MIPEP: variants seen among roughly 807,000 people sequenced by gnomAD.
The protein encoded by MIPEP is mitochondrial intermediate peptidase.
Under a neutral mutation model 90.3 loss-of-function variants are expected in MIPEP, and 79 were observed. That is an observed-to-expected ratio of 0.87 (90% CI 0.73 to 1.05). MIPEP has a LOEUF of 1.05. Among genes scored for constraint, MIPEP ranks in the 50% least tolerant of loss-of-function variants. The probability of loss-of-function intolerance (pLI) is 0.00; values close to 1 mark genes in which losing one functional copy is unlikely to be tolerated. For synonymous variants in MIPEP, 334 were observed against 315.8 expected (o/e 1.06, Z -0.61); for missense variants, 940 against 905.6 (o/e 1.04, Z -0.49).
rs1952774618 is a variant in MIPEP at position 23,780,879 on chromosome 13, T to C, written c.1849-20662A>G. Among the ~76,000 whole-genome samples, 3 of 151,794 alleles carry C rather than the reference T, an allele frequency of 2.0e-5. No homozygotes were observed. The South Asian group carries it at 6.3e-4, about 32-fold the overall frequency. On this transcript the variant is annotated intron_variant, in intron 16 of 18. Coordinates refer to ENST00000382172, the MANE Select transcript of MIPEP (RefSeq NM_005932.4). ...GTGATTAAAGATCAAATGAATGAAA[T>C]GAAGCGAGAAGAGAAGTTTAGAAAA... is the stretch of plus-strand genomic sequence containing the variant.
intron 8 of MIPEP, among the ~76,000 whole-genome samples, chr13:23,863,804 A>T (rs1870412474): frequency 6.6e-6 from 1 of 152,248 alleles, no homozygotes; most frequent in African/African-American, 2.4e-5. Context: ...AGGCCAAAAG[A>T]AGAGAAATAC....
chr13:23,859,563 GCCTGGGCTCAAGTTTCCAATCCATA>G (rs932491295), intron 9 of MIPEP, among the ~76,000 whole-genome samples: 7 of 152,306 alleles, frequency 4.6e-5, no homozygotes, highest in African/African-American at 1.7e-4. Context: ...AAGACAGACT[GCCTGGGCTCAAGTTTCCAATCCATA>G]CCAGACTATA....
chr13:23,768,867 T>C (rs1228057807), intron 16 of MIPEP, among the ~76,000 whole-genome samples: 4 of 152,178 alleles, frequency 2.6e-5, no homozygotes, highest in African/African-American at 9.7e-5. Flanking sequence ...ATATGTAATA[T>C]TAAAAAACCC....
chr13:23,782,720 A>C (rs1952793869), intron 16 of MIPEP, among the ~76,000 whole-genome samples: 1 of 152,230 alleles, frequency 6.6e-6, no homozygotes, highest in South Asian at 2.1e-4. Flanking sequence ...AAGACTAATA[A>C]AGAAGAAAAG....
rs569565094 is a variant in MIPEP, at chr13:23,802,687, T to TA, written c.1848+3262dup. Among the ~76,000 whole-genome samples, 408 of 148,238 alleles carry TA rather than the reference T, an allele frequency of 2.8e-3. 5 individuals are homozygous for TA. The highest frequency in any genetic ancestry group is 0.01 in the African/African-American group (385 of 38,094). ...CATTGTATCTAGAAGATCCCCAACT[T>TA]AAAGATTTTTTAACTTTAAGATTTT... On this transcript the variant is annotated intron_variant, in intron 16 of 18. Transcript: ENST00000382172.
chr13:23,888,761 G>C lies in MIPEP; in HGVS notation c.189+371C>G. On this transcript the variant is annotated intron_variant, in intron 1 of 18. Transcript: ENST00000382172. ...AACGCACAGGGATAGGCCTCTTAAG[G>C]CAGGACTGTAGCGCTGGAGCTAAAG... 3.9e-6 allele frequency: 4 copies of C among 1,037,964 alleles called. No homozygotes were observed. The South Asian group carries it at 1.8e-4, about 48-fold the overall frequency. 64.3% of individuals were successfully genotyped at this position (1,037,964 alleles called of 1,614,324 possible).
intron 5 of MIPEP, among the ~76,000 whole-genome samples, chr13:23,872,033 T>A (rs1833733056): frequency 6.6e-6 from 1 of 152,252 alleles, no homozygotes; most frequent in Non-Finnish European, 1.5e-5. Context: ...TATCACTTCA[T>A]CATTCTGTGG....
At chr13:23,784,280 C>T (rs1252577683) in intron 16 of MIPEP, among the ~76,000 whole-genome samples, 2 of 152,144 alleles carry the variant, frequency 1.3e-5, no homozygotes, top group African/African-American at 4.8e-5. Flanking sequence ...GTACTGGTAC[C>T]AAAACAGAGA....
intron 18 of MIPEP, among the ~76,000 whole-genome samples, chr13:23,743,872 A>G (rs1033117391): frequency 6.6e-6 from 1 of 152,150 alleles, no homozygotes; most frequent in African/African-American, 2.4e-5. Context: ...GCTCCTTTCC[A>G]TTTCTTTCTT....
Position 23,831,891 on chromosome 13 carries a change from G to A in MIPEP, c.1653+4349C>T, listed in dbSNP as rs114145363. On this transcript the variant is annotated intron_variant, in intron 14 of 18. Transcript: ENST00000382172. ...GGTGAAGGTGCTTAGCATTTTCAAT[G>A]CTGGGTATAGGGGTTTAGACTGTCT... 7.2e-3 allele frequency among the ~76,000 whole-genome samples: 1,089 copies of A among 152,286 alleles called. 10 individuals are homozygous for A. Among genetic ancestry groups the A allele is most frequent in the African/African-American group, 0.025 (1,057 of 41,544 alleles).
chr13:23,776,625 G>T (rs984635966), intron 16 of MIPEP, among the ~76,000 whole-genome samples: 1 of 152,158 alleles, frequency 6.6e-6, no homozygotes, highest in African/African-American at 2.4e-5. Context: ...TTAAATAAAA[G>T]TTGTGGTTTT....
chr13:23,736,383 GTAGT>G (rs1259996060), intron 18 of MIPEP, among the ~76,000 whole-genome samples: 2 of 152,136 alleles, frequency 1.3e-5, no homozygotes, highest in Non-Finnish European at 2.9e-5. Flanking sequence ...TATATAAAGA[GTAGT>G]TAAAGAGTGA....
At chr13:23,790,707 G>A (rs79575188) in intron 16 of MIPEP, among the ~76,000 whole-genome samples, 26 of 152,316 alleles carry the variant, frequency 1.7e-4, no homozygotes, top group Middle Eastern at 3.4e-3. Context: ...GGGGCCTCTG[G>A]AAGAAGTCAG....
intron 16 of MIPEP, among the ~76,000 whole-genome samples, chr13:23,778,458 A>ATGTGC (rs565243848): frequency 8.5e-4 from 129 of 152,322 alleles, no homozygotes; most frequent in African/African-American, 3.0e-3. Context: ...ATGCTCAAGC[A>ATGTGC]ACTAGCTGTG....
chr13:23,886,023 T>A (rs1871464958), intron 2 of MIPEP, among the ~76,000 whole-genome samples: 1 of 151,726 alleles, frequency 6.6e-6, no homozygotes, highest in African/African-American at 2.4e-5. Context: ...CAAATGAATA[T>A]ATATGTAAAT....
intron 16 of MIPEP, among the ~76,000 whole-genome samples, chr13:23,789,417 C>A (rs1353108348): frequency 6.6e-6 from 1 of 152,130 alleles, no homozygotes; most frequent in African/African-American, 2.4e-5. Context: ...CTGGAATTTA[C>A]TTCATGACAG....
intron 17 of MIPEP, 97 bp from the exon 18 acceptor site, chr13:23,756,715 A>G: frequency 8.5e-7 from 1 of 1,178,056 alleles, no homozygotes; most frequent in Non-Finnish European, 1.2e-6. Context: ...TGCCATATTC[A>G]TAAAAGCTGC....
Position 23,889,104 on chromosome 13 carries a change from T to C in MIPEP, c.189+28A>G, listed in dbSNP as rs1030815768. 15 of 1,388,490 alleles carry C rather than the reference T, an allele frequency of 1.1e-5. 1 individual carries two copies. Among genetic ancestry groups the C allele is most frequent in the Non-Finnish European group, 1.3e-5 (14 of 1,071,954 alleles). The allele number at this position is 1,388,490 out of a possible 1,614,324, so 86.0% of individuals were successfully genotyped here. On this transcript the variant is annotated intron_variant, in intron 1 of 18. Transcript: ENST00000382172. ...GCAGGGGTCGGCTTAGCTCGGGGAC[T>C]GAGGGGAGCTCCTCCTGCGCCGCTC...
At chr13:23,772,783 G>T (rs568811491) in intron 16 of MIPEP, among the ~76,000 whole-genome samples, 1 of 152,274 alleles carries the variant, frequency 6.6e-6, no homozygotes, top group Non-Finnish European at 1.5e-5. Flanking sequence ...TAACTTCTAT[G>T]GCAATTCAGT....
Sources: gnomAD v4.1 joint callset for allele counts (sites outside exome capture counted in the v4.1 genomes callset) on GRCh38, gnomAD v4.1.1 for gene constraint, MANE v1.5 for transcripts, NCBI Gene and HGNC (gene_info 2026-07-23, HGNC 2026-07-21) for gene names.